TMTC1: variants seen among roughly 807,000 people sequenced by gnomAD.
TMTC1 encodes transmembrane O-mannosyltransferase targeting cadherins 1.
TMTC1 carries 73 observed loss-of-function variants against 104.8 expected under a neutral mutation model. The ratio of observed to expected loss-of-function variants is 0.70; its 90% CI spans 0.58 to 0.85. TMTC1 has a LOEUF of 0.85. TMTC1 is among the 40% of genes least tolerant of loss of function. TMTC1 has a pLI of 0.00. For synonymous variants in TMTC1, 434 were observed against 428.7 expected, an observed-to-expected ratio of 1.01 and a Z score of -0.15; for missense variants, 1,035 against 1,096.1, an observed-to-expected ratio of 0.94 and a Z score of 0.79.
At chr12:29,578,438 C>T (rs1945884131) in intron 8 of TMTC1, among the ~76,000 whole-genome samples, 1 of 152,148 alleles carries the variant, frequency 6.6e-6, no homozygotes, top group Non-Finnish European at 1.5e-5. Context: ...TTTTTTGATG[C>T]TCCAATTTCA....
At chr12:29,666,966 CAG>C (rs1283375051) in intron 5 of TMTC1, among the ~76,000 whole-genome samples, 6 of 152,122 alleles carry the variant, frequency 3.9e-5, no homozygotes, top group Non-Finnish European at 8.8e-5. Flanking sequence ...GTTTTGGAAT[CAG>C]AGCTTTTTCA....
At chr12:29,737,965 C>T (rs1435758581) in intron 5 of TMTC1, among the ~76,000 whole-genome samples, 1 of 152,130 alleles carries the variant, frequency 6.6e-6, no homozygotes, top group Admixed American at 6.5e-5. Flanking sequence ...AAAAGTAGCA[C>T]CACAGATTTA....
At chr12:29,579,962 G>A (rs1047021564) in intron 8 of TMTC1, among the ~76,000 whole-genome samples, 3 of 152,140 alleles carry the variant, frequency 2.0e-5, no homozygotes, top group Non-Finnish European at 4.4e-5. Context: ...GGTTATTTCA[G>A]CTTAGACAAT....
At chr12:29,535,719 CTGAAAAGAAGGAGGGGAT>C (rs1323841889) in intron 11 of TMTC1, 1 of 157,186 alleles carries the variant, frequency 6.4e-6, no homozygotes, top group Non-Finnish European at 1.4e-5. Context: ...TTAGACACGA[CTGAAAAGAAGGAGGGGAT>C]TGAAAACTCA....
intron 10 of TMTC1, among the ~76,000 whole-genome samples, chr12:29,555,916 G>A (rs1434265847): frequency 1.5e-5 from 2 of 132,038 alleles, no homozygotes; most frequent in African/African-American, 5.0e-5. Context: ...TTCCACAATG[G>A]TTGAACTAAC....
chr12:29,644,358 G>T (rs374927597), intron 5 of TMTC1, among the ~76,000 whole-genome samples: 10 of 151,542 alleles, frequency 6.6e-5, no homozygotes, highest in African/African-American at 2.2e-4. Flanking sequence ...TTGGGGACTT[G>T]GGGGGAAGAG....
intron 5 of TMTC1, among the ~76,000 whole-genome samples, chr12:29,639,264 T>G (rs60832150): frequency 0.037 from 5,685 of 152,162 alleles, 340 homozygotes; most frequent in African/African-American, 0.13. Context: ...AATGATAGAT[T>G]AATGAGAAAT....
intron 6 of TMTC1, among the ~76,000 whole-genome samples, chr12:29,624,912 C>T (rs1159719827): frequency 1.3e-5 from 2 of 152,156 alleles, no homozygotes; most frequent in Non-Finnish European, 2.9e-5. Flanking sequence ...AGGTTGTTTT[C>T]TATGATTGAG....
chr12:29,514,428 A>T, intron 16 of TMTC1, 54 bp downstream of exon 16: 1 of 1,551,178 alleles, frequency 6.4e-7, no homozygotes, highest in East Asian at 2.2e-5. Context: ...AGATCAAAAG[A>T]CAATTAATTT....
chr12:29,630,769 T>C (rs753471872), intron 6 of TMTC1, among the ~76,000 whole-genome samples: 2 of 152,212 alleles, frequency 1.3e-5, no homozygotes, highest in African/African-American at 4.8e-5. Flanking sequence ...AAGTTTTCAT[T>C]TCTTTTCAGT....
intron 7 of TMTC1, among the ~76,000 whole-genome samples, chr12:29,586,504 G>A (rs1019468032): frequency 3.9e-5 from 6 of 152,200 alleles, no homozygotes; most frequent in Non-Finnish European, 8.8e-5. Flanking sequence ...GGACATCCCT[G>A]TCTTGTGCCA....
chr12:29,565,124 AG>A (rs1461866381), intron 9 of TMTC1, among the ~76,000 whole-genome samples: 1 of 152,146 alleles, frequency 6.6e-6, no homozygotes, highest in Non-Finnish European at 1.5e-5. Context: ...TCTGCAGGGT[AG>A]GCGGCAGGCT....
chr12:29,709,027 T>C (rs1167226347), intron 5 of TMTC1, among the ~76,000 whole-genome samples: 1 of 152,218 alleles, frequency 6.6e-6, no homozygotes, highest in Non-Finnish European at 1.5e-5. Context: ...AGAAAGGATA[T>C]TGAACAAGAG....
intron 2 of TMTC1, among the ~76,000 whole-genome samples, chr12:29,765,519 A>T (rs1943443122): frequency 6.6e-6 from 1 of 152,228 alleles, no homozygotes; most frequent in Admixed American, 6.5e-5. Flanking sequence ...TTCTCCCTAT[A>T]ATAAAAAATA....
chr12:29,694,131 TACATACCGTCCTTA>T lies in TMTC1; in HGVS notation c.938+57521_938+57534del, dbSNP rs952581088. ...TTCCCATTTGTTATCTCTCTCTCTC[TACATACCGTCCTTA>T]ACAAACCTTTTTCACACTGTACTAT... On this transcript the variant is annotated intron_variant, in intron 5 of 17. Transcript: ENST00000539277. Among the ~76,000 whole-genome samples the T allele has an allele frequency of 5.0e-3, 768 of 152,338 alleles. 4 individuals carry two copies. Among genetic ancestry groups the T allele is most frequent in the African/African-American group, 0.018 (740 of 41,572 alleles).
chr12:29,675,722 T>C (rs1940704399), intron 5 of TMTC1, among the ~76,000 whole-genome samples: 1 of 152,196 alleles, frequency 6.6e-6, no homozygotes, highest in South Asian at 2.1e-4. Flanking sequence ...GTTCAACTTG[T>C]TAATTCTGAA....
Position 29,533,989 on chromosome 12 carries a change from T to C in TMTC1, c.1785+2220A>G, listed in dbSNP as rs71453744. 4 of 152,168 alleles carry C rather than the reference T, an allele frequency of 2.6e-5. No individual in the cohort carries two copies. In the East Asian group the frequency reaches 7.7e-4, roughly 29 times the overall value. The allele number at this position is 152,168 out of a possible 1,614,324, so 9.4% of individuals were successfully genotyped here. ...CGCGTGGGCTGTGCATGTGGACGGA[T>C]GGTGGCAATGGAGGACAAGTCGCTT... On this transcript the variant is annotated intron_variant, in intron 11 of 17. Coordinates refer to ENST00000539277, the MANE Select transcript of TMTC1 (RefSeq NM_001193451.2).
chr12:29,745,618 CAAAAA>C (rs71444341), intron 5 of TMTC1, among the ~76,000 whole-genome samples: 3 of 84,574 alleles, frequency 3.5e-5, no homozygotes, highest in South Asian at 4.9e-4. Context: ...GAGACTCAAT[CAAAAA>C]AAAAAAAAAA....
chr12:29,704,229 C>T (rs975632383), intron 5 of TMTC1, among the ~76,000 whole-genome samples: 1 of 152,030 alleles, frequency 6.6e-6, no homozygotes, highest in East Asian at 1.9e-4. Flanking sequence ...CATAGTAGTA[C>T]CATGGTATTT....
Sources: allele counts gnomAD v4.1 joint callset (sites outside exome capture counted in the v4.1 genomes callset), GRCh38; gene constraint gnomAD v4.1.1; transcripts MANE v1.5; gene names NCBI Gene and HGNC (gene_info 2026-07-23, HGNC 2026-07-21).